Variants in NDRG1 observed in about 807,000 individuals in gnomAD.
NDRG1 encodes N-myc downstream regulated 1, also known as protein NDRG1.
Under a neutral mutation model 56.9 loss-of-function variants are expected in NDRG1, and 32 were observed. That is an observed-to-expected ratio of 0.56 (90% CI 0.42 to 0.76). NDRG1 has a LOEUF of 0.76. NDRG1 is among the 30% of genes least tolerant of loss of function. The pLI, the probability that NDRG1 is intolerant of heterozygous loss-of-function variation, is 0.00. For synonymous variants in NDRG1, 211 were observed against 204.1 expected, an observed-to-expected ratio of 1.03 and a Z score of -0.29; for missense variants, 507 against 545.7, an observed-to-expected ratio of 0.93 and a Z score of 0.71.
chr8:133,262,789 G>A (rs553603849), intron 4 of NDRG1, among the ~76,000 whole-genome samples: 9 of 152,108 alleles, frequency 5.9e-5, no homozygotes, highest in South Asian at 2.1e-4. Flanking sequence ...GCCTGTGACC[G>A]TCACCATTTC....
intron 2 of NDRG1, among the ~76,000 whole-genome samples, 158 bp from the exon 3 acceptor site, chr8:133,280,425 CTTTTT>C (rs34104549): frequency 1.4e-5 from 2 of 138,294 alleles, no homozygotes; most frequent in African/African-American, 5.4e-5. Context: ...TTCCTTTTCT[CTTTTT>C]TTTTTTTTTT....
At chr8:133,268,622 C>T (rs1331544538) in intron 3 of NDRG1, among the ~76,000 whole-genome samples, 2 of 152,122 alleles carry the variant, frequency 1.3e-5, no homozygotes, top group Admixed American at 1.3e-4. Flanking sequence ...TCCATGCCAC[C>T]GGGAGGCCCA....
At chr8:133,265,739 G>A (rs1293127490) in intron 3 of NDRG1, among the ~76,000 whole-genome samples, 1 of 151,290 alleles carries the variant, frequency 6.6e-6, no homozygotes, top group Non-Finnish European at 1.5e-5. Context: ...AAGCACCCCA[G>A]CTCACTCATG....
chr8:133,286,902 G>T (rs575491329), intron 1 of NDRG1, among the ~76,000 whole-genome samples: 2 of 152,246 alleles, frequency 1.3e-5, no homozygotes, highest in African/African-American at 4.8e-5. Context: ...CTGCATGTTG[G>T]TCGCGTCCTG....
intron 2 of NDRG1, among the ~76,000 whole-genome samples, chr8:133,281,353 G>T (rs1254856155): frequency 7.2e-6 from 1 of 139,552 alleles, no homozygotes; most frequent in African/African-American, 2.9e-5. Flanking sequence ...GTGAAACTCC[G>T]TCTCAAAAAA....
At chr8:133,285,716 T>C (rs1359954466) in intron 1 of NDRG1, among the ~76,000 whole-genome samples, 1 of 152,192 alleles carries the variant, frequency 6.6e-6, no homozygotes, top group African/African-American at 2.4e-5. Flanking sequence ...TTTTCCCCAG[T>C]AGATAACCAG....
intron 1 of NDRG1, among the ~76,000 whole-genome samples, chr8:133,289,396 T>A (rs116738279): frequency 4.5e-4 from 69 of 152,256 alleles, no homozygotes; most frequent in African/African-American, 1.6e-3. Flanking sequence ...TCTGTGAGGA[T>A]GTGGCCTGGG....
chr8:133,272,208 C>T (rs1260592816), intron 3 of NDRG1, among the ~76,000 whole-genome samples: 3 of 152,194 alleles, frequency 2.0e-5, no homozygotes, highest in African/African-American at 7.2e-5. Context: ...AAGGTGTCAG[C>T]CTGGGAATAC....
chr8:133,273,239 A>G (rs1857284896), intron 3 of NDRG1, among the ~76,000 whole-genome samples: 1 of 130,042 alleles, frequency 7.7e-6, no homozygotes, highest in South Asian at 3.5e-4. Flanking sequence ...AGGTGGAGGG[A>G]ATTAGAAGCA....
chr8:133,273,542 G>C (rs887311635), intron 3 of NDRG1, among the ~76,000 whole-genome samples: 1 of 152,186 alleles, frequency 6.6e-6, no homozygotes, highest in African/African-American at 2.4e-5. Flanking sequence ...TCACATGAGC[G>C]GATGCAGGAA....
intron 3 of NDRG1, 113 bp from the exon 4 acceptor site, chr8:133,264,765 G>A: frequency 1.1e-6 from 1 of 893,050 alleles, no homozygotes; most frequent in South Asian, 1.4e-5. Flanking sequence ...CTTCTCATCT[G>A]GCCATAAGAG....
intron 14 of NDRG1, among the ~76,000 whole-genome samples, chr8:133,243,144 C>CT (rs1423857624): frequency 6.6e-6 from 1 of 152,208 alleles, no homozygotes; most frequent in African/African-American, 2.4e-5. Flanking sequence ...GCTGACCCCC[C>CT]TCCCTGCTCT....
At chr8:133,274,256 A>T (rs1857342384) in intron 3 of NDRG1, among the ~76,000 whole-genome samples, 1 of 152,222 alleles carries the variant, frequency 6.6e-6, no homozygotes, top group Non-Finnish European at 1.5e-5. Context: ...AGCTCAATGC[A>T]GACTCCGCCA....
chr8:133,258,246 A>G (rs1316391138), intron 7 of NDRG1, 120 bp downstream of exon 7: 3 of 986,186 alleles, frequency 3.0e-6, no homozygotes, highest in African/African-American at 3.3e-5. Context: ...CACACACACA[A>G]CTGTGGAGAA....
At chr8:133,288,667 C>G (rs1431080189) in intron 1 of NDRG1, among the ~76,000 whole-genome samples, 1 of 152,210 alleles carries the variant, frequency 6.6e-6, no homozygotes, top group Non-Finnish European at 1.5e-5. Context: ...TCAAAGAGGT[C>G]CTCCAGCAGG....
chr8:133,254,781 C>G, intron 8 of NDRG1, 186 bp from the exon 9 acceptor site: 1 of 652,700 alleles, frequency 1.5e-6, no homozygotes, highest in Non-Finnish European at 2.8e-6. Context: ...ACCTGATCCC[C>G]CAAATGCAGG....
intron 1 of NDRG1, among the ~76,000 whole-genome samples, chr8:133,292,584 A>C (rs1273380974): frequency 6.6e-6 from 1 of 152,152 alleles, no homozygotes; most frequent in African/African-American, 2.4e-5. Flanking sequence ...AGAGATGGTA[A>C]GCATTCCCAG....
In NDRG1 at chr8:133,248,105, T is replaced by C. The variant is rs2233337; in HGVS notation, c.756-179A>G. Among the ~76,000 whole-genome samples, 559 of 152,360 alleles carry C rather than the reference T, an allele frequency of 3.7e-3. 5 individuals are homozygous for C. Among genetic ancestry groups the C allele is most frequent in the African/African-American group, 0.013 (535 of 41,572 alleles). Reference sequence around the variant, plus strand: ...TAGGATAACATTGGTTACTAGTCATTCACAACTTAGTATGAATTTCAGCCA... The same window carrying C: ...TAGGATAACATTGGTTACTAGTCATCCACAACTTAGTATGAATTTCAGCCA... On this transcript the variant is annotated intron_variant, in intron 11 of 15. Transcript: ENST00000323851.
intron 15 of NDRG1, 124 bp downstream of exon 15, chr8:133,241,899 C>T (rs533688767): frequency 1.7e-6 from 2 of 1,152,486 alleles, no homozygotes; most frequent in East Asian, 4.7e-5. Context: ...TAACTGTTTC[C>T]TCCCAGAAAG....
Sources: gnomAD v4.1 joint callset for allele counts (sites outside exome capture counted in the v4.1 genomes callset) on GRCh38, gnomAD v4.1.1 for gene constraint, MANE v1.5 for transcripts, NCBI Gene and HGNC (gene_info 2026-07-23, HGNC 2026-07-21) for gene names.